Variants in THEM4 observed in about 807,000 individuals in gnomAD.
The protein encoded by THEM4 is acyl-coenzyme A thioesterase THEM4.
In THEM4, 22 loss-of-function variants were observed where a neutral mutation model predicts 25.0. The ratio of observed to expected loss-of-function variants is 0.88; its 90% CI spans 0.63 to 1.26. THEM4 has a LOEUF of 1.26. Ranked by LOEUF, THEM4 falls within the 50% of genes most tolerant of loss-of-function variation. THEM4 has a pLI of 0.00. For synonymous variants in THEM4, 113 were observed against 105.6 expected, an observed-to-expected ratio of 1.07 and a Z score of -0.43; for missense variants, 286 against 300.3, an observed-to-expected ratio of 0.95 and a Z score of 0.35.
In THEM4 at chr1:151,873,499, C is replaced by G. The variant is rs1653600857; in HGVS notation, c.*1389G>C. The stretch of plus-strand genomic sequence containing the variant: ...GTGGAGGGGCTGGCCCCCTTCAACT[C>G]TCCGTTCATTTTTTAGTTTTGTTGA... On this transcript the variant is annotated 3_prime_UTR_variant, in exon 6 of 6. Coordinates refer to ENST00000368814, the MANE Select transcript of THEM4 (RefSeq NM_053055.5). The G allele has an allele frequency of 6.6e-6, 1 of 152,226 alleles. No homozygotes were observed. Among genetic ancestry groups the G allele is most frequent in the Non-Finnish European group, 1.5e-5 (1 of 68,054 alleles). The allele number at this position is 152,226 out of a possible 1,614,324, so 9.4% of individuals were successfully genotyped here. A position where few individuals can be genotyped will look rare whatever the true frequency, so the allele number is the denominator to read the frequency against.
chr1:151,888,565 CATA>C (rs1224822195), intron 3 of THEM4, among the ~76,000 whole-genome samples, 182 bp from the exon 4 acceptor site: 3 of 152,178 alleles, frequency 2.0e-5, no homozygotes, highest in Non-Finnish European at 2.9e-5. Context: ...TTGTTCACAG[CATA>C]ATAATATAGT....
At chr1:151,901,014 G>C (rs1395184199) in intron 1 of THEM4, among the ~76,000 whole-genome samples, 1 of 152,238 alleles carries the variant, frequency 6.6e-6, no homozygotes, top group Non-Finnish European at 1.5e-5. Flanking sequence ...TAACTAGCCA[G>C]AGCCCATCCC....
At chr1:151,878,964 T>C (rs1653749873) in intron 4 of THEM4, among the ~76,000 whole-genome samples, 1 of 138,032 alleles carries the variant, frequency 7.2e-6, no homozygotes, top group African/African-American at 2.7e-5. Context: ...GATAACTCTT[T>C]GAAAAGACTA....
intron 5 of THEM4, 94 bp from the exon 6 acceptor site, chr1:151,875,022 T>A (rs1046279586): frequency 9.8e-7 from 1 of 1,017,812 alleles, no homozygotes; most frequent in Non-Finnish European, 1.5e-6. Context: ...AAAGAAGGAT[T>A]TGATTCACAT....
intron 1 of THEM4, among the ~76,000 whole-genome samples, chr1:151,907,290 A>G (rs1654491887): frequency 6.6e-6 from 1 of 152,210 alleles, no homozygotes; most frequent in African/African-American, 2.4e-5. Context: ...CAAACGCCGG[A>G]CATGCCGCCT....
chr1:151,907,763 T>G (rs574401825), intron 1 of THEM4, among the ~76,000 whole-genome samples: 1 of 152,326 alleles, frequency 6.6e-6, no homozygotes, highest in Admixed American at 6.5e-5. Context: ...GCACCTATTT[T>G]TCTTTTTACG....
rs143357788 is a variant in THEM4, at chr1:151,888,267, A to G, written c.557+6T>C. 4 of 1,608,424 alleles carry G rather than the reference A, an allele frequency of 2.5e-6. No individual in the cohort carries two copies. In the East Asian group the frequency reaches 8.9e-5, roughly 36 times the overall value. On this transcript the variant is annotated splice_donor_region_variant and intron_variant, in intron 4 of 5. Transcript: ENST00000368814. The stretch of plus-strand genomic sequence containing the variant: ...AAGGATAAATAGAGAATTACTGTGA[A>G]TTTACCTTTTATAATTGATGTTGAG...
intron 1 of THEM4, among the ~76,000 whole-genome samples, chr1:151,896,140 C>T (rs778386829): frequency 1.1e-4 from 16 of 151,832 alleles, no homozygotes; most frequent in Non-Finnish European, 1.8e-4. Flanking sequence ...TTACAGGTGC[C>T]GCCCCACCAC....
Position 151,895,107 on chromosome 1 carries a change from G to T in THEM4, c.187C>A (p.Gln63Lys). Reference protein sequence around the residue: ...WNKDLRLLFDQFMKKCEDGSW... With the variant: ...WNKDLRLLFDKFMKKCEDGSW... The stretch of plus-strand genomic sequence containing the variant: ...CCGTCTTCACATTTCTTCATAAACT[G>T]GTCAAAGAGCAGTCTTAGGTCCTTG... The change falls in exon 2 of 6, where the codon CAG (glutamine) becomes AAG (lysine). Residue 63 changes from glutamine to lysine, a missense_variant. Transcript: ENST00000368814. The T allele has an allele frequency of 6.2e-7, 1 of 1,614,050 alleles. No homozygotes were observed. The highest frequency in any genetic ancestry group is 2.2e-5 in the East Asian group (1 of 44,874).
chr1:151,904,245 C>G (rs763482939), intron 1 of THEM4, among the ~76,000 whole-genome samples: 12 of 152,084 alleles, frequency 7.9e-5, no homozygotes, highest in Non-Finnish European at 2.9e-5. Flanking sequence ...ATGTGAAGAA[C>G]TAGAGGGATC....
chr1:151,907,384 G>C (rs188029592), intron 1 of THEM4, among the ~76,000 whole-genome samples: 3 of 151,574 alleles, frequency 2.0e-5, no homozygotes, highest in East Asian at 1.9e-4. Flanking sequence ...TTCCGACACA[G>C]TATGTAATCC....
chr1:151,892,660 A>G (rs1463249186), intron 2 of THEM4, among the ~76,000 whole-genome samples: 1 of 152,222 alleles, frequency 6.6e-6, no homozygotes, highest in Non-Finnish European at 1.5e-5. Context: ...TAAAGTATCT[A>G]CCATGAGGAA....
At position 151,874,621 on chromosome 1, in the gene THEM4, T is replaced by G. The variant is rs1165224784; in HGVS notation, c.*267A>C. 1.0e-5 allele frequency: 5 copies of G among 497,972 alleles called. No individual in the cohort carries two copies. Among genetic ancestry groups the G allele is most frequent in the African/African-American group, 2.0e-5 (1 of 51,104 alleles). The allele number at this position is 497,972 out of a possible 1,614,324, so 30.8% of individuals were successfully genotyped here. A position where few individuals can be genotyped will look rare whatever the true frequency, so the allele number is the denominator to read the frequency against. On this transcript the variant is annotated 3_prime_UTR_variant, in exon 6 of 6. Coordinates refer to ENST00000368814, the MANE Select transcript of THEM4 (RefSeq NM_053055.5). Reference sequence around the variant, plus strand: ...AACTCCTGAGCTCAGGCAATCCGCCTGCCTCGGCCTCCTAAAGTGCTGGGA... The same window carrying G: ...AACTCCTGAGCTCAGGCAATCCGCCGGCCTCGGCCTCCTAAAGTGCTGGGA...
chr1:151,888,561 A>G (rs1269424699), intron 3 of THEM4, among the ~76,000 whole-genome samples, 178 bp from the exon 4 acceptor site: 2 of 152,250 alleles, frequency 1.3e-5, no homozygotes, highest in Non-Finnish European at 2.9e-5. Context: ...TGTTTTGTTC[A>G]CAGCATAATA....
rs1350024973 is a variant in THEM4 at position 151,874,690 on chromosome 1, T to A, written c.*198A>T. ...GCGCCTGGCCCGAGAGTTGTCGATA[T>A]GCTCGCAGGAAGTATTTCTGTGTTA... is the stretch of plus-strand genomic sequence containing the variant. On this transcript the variant is annotated 3_prime_UTR_variant, in exon 6 of 6. Coordinates refer to ENST00000368814, the MANE Select transcript of THEM4 (RefSeq NM_053055.5). The A allele has an allele frequency of 7.7e-6, 5 of 647,534 alleles. No homozygotes were observed. The East Asian group carries it at 1.3e-4, about 17-fold the overall frequency. The allele number at this position is 647,534 out of a possible 1,614,324, so 40.1% of individuals were successfully genotyped here.
At chr1:151,880,714 T>C (rs1411267689) in intron 4 of THEM4, among the ~76,000 whole-genome samples, 1 of 152,210 alleles carries the variant, frequency 6.6e-6, no homozygotes, top group Non-Finnish European at 1.5e-5. Context: ...TTTCTTCTGG[T>C]TAACTTTTGT....
At chr1:151,907,276 G>A (rs1332920782) in intron 1 of THEM4, among the ~76,000 whole-genome samples, 1 of 152,156 alleles carries the variant, frequency 6.6e-6, no homozygotes, top group Non-Finnish European at 1.5e-5. Context: ...AACATCAGAA[G>A]GAACAAACGC....
chr1:151,897,286 G>A (rs543484338), intron 1 of THEM4, among the ~76,000 whole-genome samples: 2 of 152,324 alleles, frequency 1.3e-5, no homozygotes, highest in East Asian at 1.9e-4. Context: ...AAACCAAAAC[G>A]GGGAGGTCAC....
At chr1:151,900,177 C>T (rs1336930597) in intron 1 of THEM4, among the ~76,000 whole-genome samples, 9 of 152,096 alleles carry the variant, frequency 5.9e-5, no homozygotes. Flanking sequence ...TGAAACAAAT[C>T]CCAGAAACCC....
Sources: gnomAD v4.1 joint callset for allele counts (sites outside exome capture counted in the v4.1 genomes callset) on GRCh38, gnomAD v4.1.1 for gene constraint, MANE v1.5 for transcripts, NCBI Gene and HGNC (gene_info 2026-07-23, HGNC 2026-07-21) for gene names.